The following SMYD3 variants were observed in gnomAD, a reference collection of about 807,000 sequenced individuals.
SMYD3 encodes the protein histone-lysine N-methyltransferase SMYD3.
In SMYD3, 36 loss-of-function variants were observed where a neutral mutation model predicts 57.7. The observed-to-expected ratio is 0.62, with a 90% CI of 0.48 to 0.82. The LOEUF (loss-of-function observed/expected upper bound fraction) is 0.82. Among genes scored for constraint, SMYD3 ranks in the 40% least tolerant of loss-of-function variants. SMYD3 has a pLI of 0.00. For synonymous variants in SMYD3, 211 were observed against 195.0 expected (o/e 1.08, Z -0.68); for missense variants, 515 against 538.8 (o/e 0.96, Z 0.44).
At chr1:245,996,114 C>G (rs1558568253) in intron 5 of SMYD3, among the ~76,000 whole-genome samples, 1 of 152,194 alleles carries the variant, frequency 6.6e-6, no homozygotes, top group East Asian at 1.9e-4. Flanking sequence ...AGAAATGTTT[C>G]TTGTTTAATT....
chr1:246,506,456 C>G (rs2068539541), intron 1 of SMYD3, among the ~76,000 whole-genome samples: 1 of 152,186 alleles, frequency 6.6e-6, no homozygotes, highest in Non-Finnish European at 1.5e-5. Flanking sequence ...TTCAGCCCTT[C>G]TGGTACACTG....
intron 1 of SMYD3, among the ~76,000 whole-genome samples, chr1:246,478,299 CAG>C (rs1321208705): frequency 1.3e-5 from 2 of 152,266 alleles, no homozygotes; most frequent in Non-Finnish European, 2.9e-5. Flanking sequence ...CTCTGTGTAA[CAG>C]AGTCAGGAGG....
intron 8 of SMYD3, among the ~76,000 whole-genome samples, chr1:245,895,437 G>C (rs549039824): frequency 2.0e-5 from 3 of 152,122 alleles, no homozygotes; most frequent in African/African-American, 7.2e-5. Flanking sequence ...CGCAGAGCTG[G>C]TTGGGCTCAT....
At chr1:246,019,360 C>G (rs1357300960) in intron 5 of SMYD3, among the ~76,000 whole-genome samples, 2 of 152,224 alleles carry the variant, frequency 1.3e-5, no homozygotes, top group East Asian at 3.8e-4. Flanking sequence ...TGGAGTCTCT[C>G]AAACGCTTTA....
intron 5 of SMYD3, among the ~76,000 whole-genome samples, chr1:246,053,562 G>A (rs2060097366): frequency 6.6e-6 from 1 of 152,126 alleles, no homozygotes. Context: ...ATGGAGAAAG[G>A]AAAGTCTCTT....
At chr1:245,839,472 G>C (rs58993941) in intron 10 of SMYD3, among the ~76,000 whole-genome samples, 13,530 of 152,192 alleles carry the variant, frequency 0.089, 1,135 homozygotes, top group East Asian at 0.4. Flanking sequence ...CCCAGCCCAG[G>C]CCAGCCTTTC....
chr1:245,850,883 C>T (rs1187254594), intron 10 of SMYD3, among the ~76,000 whole-genome samples: 4 of 152,154 alleles, frequency 2.6e-5, no homozygotes, highest in Non-Finnish European at 5.9e-5. Context: ...AGCTTTACGC[C>T]AGTCACTCCA....
chr1:245,937,380 T>C (rs2057029757), intron 5 of SMYD3, among the ~76,000 whole-genome samples: 1 of 152,240 alleles, frequency 6.6e-6, no homozygotes, highest in African/African-American at 2.4e-5. Context: ...AAAGCTTTAC[T>C]CACAACAGAA....
chr1:245,868,793 T>C (rs534837325), intron 8 of SMYD3, among the ~76,000 whole-genome samples: 1 of 152,174 alleles, frequency 6.6e-6, no homozygotes, highest in South Asian at 2.1e-4. Flanking sequence ...ACCCTACCCA[T>C]CCCACTGTGG....
At chr1:245,833,343 A>C (rs982361782) in intron 10 of SMYD3, among the ~76,000 whole-genome samples, 4 of 152,208 alleles carry the variant, frequency 2.6e-5, no homozygotes, top group African/African-American at 9.6e-5. Context: ...TTCTGACAAC[A>C]ATGCATTCAG....
intron 5 of SMYD3, among the ~76,000 whole-genome samples, chr1:245,977,000 T>C (rs79910253): frequency 0.36 from 2,725 of 7,610 alleles, 854 homozygotes; most frequent in South Asian, 0.55. Flanking sequence ...CCATCGTCTC[T>C]AGCCCAGGGA....
At chr1:246,391,110 G>T (rs1337168174) in intron 1 of SMYD3, among the ~76,000 whole-genome samples, 1 of 151,724 alleles carries the variant, frequency 6.6e-6, no homozygotes, top group Non-Finnish European at 1.5e-5. Flanking sequence ...CTTCAGCTGG[G>T]TGCGATGGCT....
At position 245,807,859 on chromosome 1, in the gene SMYD3, C is replaced by T. The variant is rs73134723; in HGVS notation, c.1077-43710G>A. 7.6e-3 allele frequency among the ~76,000 whole-genome samples: 1,155 copies of T among 151,470 alleles called. 14 individuals carry two copies. The highest frequency in any genetic ancestry group is 0.025 in the African/African-American group (1,051 of 41,288). ...ACAAAAAAACAGAAGCAATCTACAC[C>T]GTGAAAAATTTAATTGCACTTTAAT... On this transcript the variant is annotated intron_variant, in intron 10 of 11. Transcript: ENST00000490107.
At chr1:245,805,716 G>T (rs537628464) in intron 10 of SMYD3, among the ~76,000 whole-genome samples, 5 of 152,028 alleles carry the variant, frequency 3.3e-5, no homozygotes, top group African/African-American at 1.2e-4. Context: ...CCCGTCTGTG[G>T]CTCCAGGCAA....
intron 5 of SMYD3, chr1:246,111,607 C>T (rs2061243847): frequency 6.6e-6 from 1 of 152,238 alleles, no homozygotes; most frequent in South Asian, 2.1e-4. Context: ...TTTTGCACAG[C>T]TTAAGACTAA....
chr1:245,797,027 C>T (rs1039783532), intron 10 of SMYD3, among the ~76,000 whole-genome samples: 4 of 152,166 alleles, frequency 2.6e-5, no homozygotes, highest in Non-Finnish European at 5.9e-5. Context: ...AAGAATCAGG[C>T]TATAGAGGAA....
chr1:246,303,211 C>T (rs148967037), intron 5 of SMYD3, among the ~76,000 whole-genome samples: 2 of 152,306 alleles, frequency 1.3e-5, no homozygotes, highest in East Asian at 3.9e-4. Context: ...ATAGTGCCTG[C>T]TTCACAGAGT....
At chr1:246,419,972 G>A (rs1021990348) in intron 1 of SMYD3, among the ~76,000 whole-genome samples, 1 of 152,200 alleles carries the variant, frequency 6.6e-6, no homozygotes, top group Admixed American at 6.5e-5. Context: ...GAGGCAGGGG[G>A]ATCACGAGGT....
intron 10 of SMYD3, among the ~76,000 whole-genome samples, chr1:245,834,807 T>C (rs1037261419): frequency 3.9e-5 from 6 of 152,064 alleles, no homozygotes; most frequent in Admixed American, 1.3e-4. Context: ...TCTTTTAGGG[T>C]ATGGGGTTAC....
Sources: allele counts gnomAD v4.1 joint callset (sites outside exome capture counted in the v4.1 genomes callset), GRCh38; gene constraint gnomAD v4.1.1; transcripts MANE v1.5; gene names NCBI Gene and HGNC (gene_info 2026-07-23, HGNC 2026-07-21).